The following HYDIN variants were observed in gnomAD, a reference collection of about 807,000 sequenced individuals.
The protein encoded by HYDIN is HYDIN axonemal central pair apparatus protein, also known as axonemal central pair apparatus protein HYDIN.
HYDIN carries 132 observed loss-of-function variants against 403.9 expected under a neutral mutation model. The ratio of observed to expected loss-of-function variants is 0.33; its 90% confidence interval spans 0.28 to 0.38. The LOEUF (loss-of-function observed/expected upper bound fraction) is 0.38, where lower values mean the gene tolerates loss of function less well. Ranked by LOEUF, HYDIN falls within the 10% of genes least tolerant of loss-of-function variation. HYDIN has a pLI of 1.00. For missense variants in HYDIN, 2,827 were observed against 5,009.5 expected (o/e 0.56, Z 13.15); for synonymous variants, 1,202 against 1,891.7 (o/e 0.64, Z 9.46).
At chr16:71,038,155 G>A (rs1376182878) in intron 18 of HYDIN, among the ~76,000 whole-genome samples, 8 of 152,256 alleles carry the variant, frequency 5.3e-5, no homozygotes, top group Non-Finnish European at 1.0e-4. Context: ...ATGACTGTGC[G>A]AAAGATGGAA....
At chr16:71,130,679 G>A (rs1357514307) in intron 8 of HYDIN, among the ~76,000 whole-genome samples, 17 of 151,010 alleles carry the variant, frequency 1.1e-4, no homozygotes, top group East Asian at 5.9e-4. Context: ...TAGTAGAGAC[G>A]GGGTTTCACC....
Position 70,897,264 on chromosome 16 carries a change from G to C in HYDIN, c.9049-1184C>G, listed in dbSNP as rs546140528. On this transcript the variant is annotated intron_variant, in intron 53 of 85. Transcript: ENST00000393567. ...GGTCCATCTGTCCAGGAAAAGAACT[G>C]GGGGGCAGTGGGGGAAGCTCTCCTG... Among the ~76,000 whole-genome samples, 4 of 152,162 alleles carry C rather than the reference G, an allele frequency of 2.6e-5. No homozygotes were observed. In the South Asian group the frequency reaches 8.3e-4, roughly 32 times the overall value.
chr16:70,904,478 CTTTTTTTTTTTTTTT>C (rs76148650), intron 50 of HYDIN, among the ~76,000 whole-genome samples: 47 of 25,180 alleles, frequency 1.9e-3, no homozygotes, highest in East Asian at 6.2e-3. Flanking sequence ...ACTTGAGTAA[CTTTTTTTTTTTTTTT>C]TTTTTTTTTT....
At chr16:71,065,219 A>C (rs1330634505) in intron 15 of HYDIN, among the ~76,000 whole-genome samples, 1 of 152,188 alleles carries the variant, frequency 6.6e-6, no homozygotes, top group Non-Finnish European at 1.5e-5. Flanking sequence ...ACTAGCTGTG[A>C]CACTTTGGAC....
intron 45 of HYDIN, among the ~76,000 whole-genome samples, chr16:70,922,040 G>A (rs2143818121): frequency 6.6e-6 from 1 of 152,276 alleles, no homozygotes; most frequent in Admixed American, 6.5e-5. Flanking sequence ...ACTGCTATCT[G>A]CAGTGCAGCC....
Position 70,802,435 on chromosome 16 carries a change from G to A in HYDIN, c.*5145C>T, listed in dbSNP as rs959488532. On this transcript the variant is annotated 3_prime_UTR_variant, in exon 86 of 86. Coordinates refer to ENST00000393567, the MANE Select transcript of HYDIN (RefSeq NM_001270974.2). ...TTGAGTCGGCCTGACCGAATCAAGT[G>A]AGTACTTAAAAGAGATTAGAAGAAA... 6.6e-6 allele frequency: 1 copy of A among 152,252 alleles called. No individual in the cohort carries two copies. Among genetic ancestry groups the A allele is most frequent in the African/African-American group, 2.4e-5 (1 of 41,462 alleles). 9.4% of individuals were successfully genotyped at this position (152,252 alleles called of 1,614,324 possible).
chr16:70,924,766 A>T (rs1597335686), intron 45 of HYDIN, among the ~76,000 whole-genome samples: 1 of 71,938 alleles, frequency 1.4e-5, no homozygotes, highest in South Asian at 5.8e-4. Flanking sequence ...ACATGGACAC[A>T]TGGGTCAGGG....
chr16:70,914,073 C>A (rs2076769749), intron 47 of HYDIN, among the ~76,000 whole-genome samples: 1 of 151,162 alleles, frequency 6.6e-6, no homozygotes, highest in South Asian at 2.1e-4. Context: ...CTTATCCATT[C>A]TGCAGTTCTG....
At chr16:71,218,674 T>C (rs747398227) in intron 1 of HYDIN, among the ~76,000 whole-genome samples, 5 of 152,246 alleles carry the variant, frequency 3.3e-5, no homozygotes, top group African/African-American at 4.8e-5. Context: ...ATTTCATGAT[T>C]TGGCAACTGA....
chr16:70,939,685 G>GT (rs1414501010), intron 43 of HYDIN, among the ~76,000 whole-genome samples: 1 of 151,652 alleles, frequency 6.6e-6, no homozygotes, highest in African/African-American at 2.4e-5. Flanking sequence ...CCCCGGAAGT[G>GT]TAAGACAATA....
intron 5 of HYDIN, among the ~76,000 whole-genome samples, chr16:71,173,560 C>T (rs2086550543): frequency 6.6e-6 from 1 of 152,170 alleles, no homozygotes; most frequent in Non-Finnish European, 1.5e-5. Flanking sequence ...AAAACATGCA[C>T]AAAGAAGACA....
At chr16:70,874,754 G>A (rs941898869) in intron 63 of HYDIN, 63 bp downstream of exon 63, 56 of 1,536,348 alleles carry the variant, frequency 3.6e-5, no homozygotes, top group Non-Finnish European at 4.7e-5. Context: ...GGCCTTGAGT[G>A]GTCCCCTAAT....
intron 75 of HYDIN, among the ~76,000 whole-genome samples, chr16:70,841,698 C>G (rs906618271): frequency 1.3e-5 from 2 of 152,090 alleles, no homozygotes; most frequent in Non-Finnish European, 2.9e-5. Context: ...TTCTTGCTCT[C>G]TCTCTCTGTC....
At chr16:71,185,139 A>C (rs536052806) in intron 2 of HYDIN, 149 bp from the exon 3 acceptor site, 2 of 421,128 alleles carry the variant, frequency 4.7e-6, no homozygotes, top group African/African-American at 4.1e-5. Flanking sequence ...TATTTAAAAT[A>C]AGTAAATTAT....
chr16:71,016,989 T>C (rs376734069), intron 23 of HYDIN, among the ~76,000 whole-genome samples: 18 of 151,158 alleles, frequency 1.2e-4, no homozygotes, highest in Middle Eastern at 3.4e-3. Flanking sequence ...GCAGGTGGTT[T>C]CCCCCATGCT....
Position 70,981,370 on chromosome 16 carries a change from T to C in HYDIN, c.4510+21A>G, listed in dbSNP as rs760248676. ...GCTTGTTTTGTCCCCAGTGGGGAAC[T>C]ACTCCAGTGTGAAGTACTACCTGTG... On this transcript the variant is annotated intron_variant, in intron 29 of 85. Coordinates refer to ENST00000393567, the MANE Select transcript of HYDIN (RefSeq NM_001270974.2). 3.1e-6 allele frequency: 5 copies of C among 1,602,198 alleles called. No homozygotes were observed. The South Asian group carries it at 4.5e-5, about 14-fold the overall frequency.
chr16:71,175,723 C>T lies in HYDIN; in HGVS notation c.400G>A (p.Val134Ile). The T allele has an allele frequency of 6.2e-7, 1 of 1,614,192 alleles. No homozygotes were observed. Among genetic ancestry groups the T allele is most frequent in the Non-Finnish European group, 8.5e-7 (1 of 1,180,028 alleles). Residue 134 changes from valine (V) to isoleucine (I), a missense_variant, in exon 5 of 86, where the codon GTT becomes ATT. Coordinates refer to ENST00000393567, the MANE Select transcript of HYDIN (RefSeq NM_001270974.2). Reference sequence around the variant, plus strand: ...AAGTAAGGCGAACTTTCTTCCACAACTTTCACCAACCTTGGAATCTGCAGG... The same window carrying T: ...AAGTAAGGCGAACTTTCTTCCACAATTTTCACCAACCTTGGAATCTGCAGG... ...NNDKIPRLVKVVEESSPYFKV... is the reference protein window; with the variant it reads ...NNDKIPRLVKIVEESSPYFKV...
intron 14 of HYDIN, among the ~76,000 whole-genome samples, chr16:71,067,739 G>A (rs1489106087): frequency 6.6e-5 from 10 of 151,784 alleles, no homozygotes; most frequent in Non-Finnish European, 1.3e-4. Flanking sequence ...CCTACCTCTG[G>A]GCTATATGAA....
At chr16:71,135,027 G>C (rs990082022) in intron 8 of HYDIN, among the ~76,000 whole-genome samples, 1 of 152,142 alleles carries the variant, frequency 6.6e-6, no homozygotes, top group Non-Finnish European at 1.5e-5. Flanking sequence ...TTCTGGCCCT[G>C]TATGTCACAC....
Sources: gnomAD v4.1 joint callset for allele counts (sites outside exome capture counted in the v4.1 genomes callset) on GRCh38, gnomAD v4.1.1 for gene constraint, MANE v1.5 for transcripts, NCBI Gene and HGNC (gene_info 2026-07-23, HGNC 2026-07-21) for gene names.